The following AKAP6 variants were observed in gnomAD, a reference collection of about 807,000 sequenced individuals.
AKAP6 encodes A-kinase anchor protein 6.
In AKAP6, 58 loss-of-function variants were observed where a neutral mutation model predicts 188.5. That is an observed-to-expected ratio of 0.31 (90% CI 0.25 to 0.38). AKAP6 has a LOEUF of 0.38. AKAP6 is among the 10% of genes least tolerant of loss of function. AKAP6 has a pLI of 1.00. For synonymous variants in AKAP6, 989 were observed against 998.6 expected (o/e 0.99, Z 0.18); for missense variants, 2,710 against 2,740.0 (o/e 0.99, Z 0.24).
intron 11 of AKAP6, among the ~76,000 whole-genome samples, chr14:32,773,300 C>T (rs1170100870): frequency 2.6e-5 from 4 of 152,140 alleles, no homozygotes; most frequent in East Asian, 3.9e-4. Flanking sequence ...TATTTCTTTT[C>T]GGAGGATTTT....
intron 9 of AKAP6, 23 bp from the exon 10 acceptor site, chr14:32,732,429 ATC>A: frequency 6.2e-7 from 1 of 1,600,368 alleles, no homozygotes; most frequent in Non-Finnish European, 8.5e-7. Context: ...CCCTAATGAT[ATC>A]TCTTTTTCTC....
At chr14:32,679,572 A>G (rs923094198) in intron 8 of AKAP6, among the ~76,000 whole-genome samples, 6 of 152,156 alleles carry the variant, frequency 3.9e-5, no homozygotes, top group African/African-American at 1.4e-4. Flanking sequence ...CAATCCTCAT[A>G]TAAAGTTTTG....
At chr14:32,706,466 A>C (rs988604661) in intron 9 of AKAP6, among the ~76,000 whole-genome samples, 12 of 151,974 alleles carry the variant, frequency 7.9e-5, no homozygotes, top group Middle Eastern at 3.2e-3. Flanking sequence ...TTTTTGGGAG[A>C]TGCACTAAAG....
chr14:32,439,911 G>T (rs1404731430), intron 2 of AKAP6, among the ~76,000 whole-genome samples: 1 of 152,168 alleles, frequency 6.6e-6, no homozygotes, highest in Admixed American at 6.5e-5. Flanking sequence ...CCTGGTTTAA[G>T]ATTGAAGACA....
chr14:32,677,036 G>A (rs1022701686), intron 7 of AKAP6, among the ~76,000 whole-genome samples: 19 of 152,090 alleles, frequency 1.2e-4, no homozygotes, highest in Non-Finnish European at 2.5e-4. Context: ...ATGTTGGCCA[G>A]GCTGGTCTCA....
chr14:32,445,916 A>G (rs1157765984), intron 2 of AKAP6, among the ~76,000 whole-genome samples: 1 of 152,182 alleles, frequency 6.6e-6, no homozygotes, highest in Non-Finnish European at 1.5e-5. Context: ...TTCCTTAGGG[A>G]AAGCTAGCTC....
intron 11 of AKAP6, among the ~76,000 whole-genome samples, chr14:32,766,207 C>A (rs2032714668): frequency 6.6e-6 from 1 of 152,048 alleles, no homozygotes; most frequent in African/African-American, 2.4e-5. Context: ...TTTTAAATGC[C>A]AAATAATATT....
At position 32,822,159 on chromosome 14, in the gene AKAP6, A is replaced by G; in HGVS notation, c.4346A>G (p.His1449Arg). Residue 1449 changes from histidine to arginine, a missense_variant, in exon 13 of 14, where the codon CAT (histidine) becomes CGT (arginine). His to Arg is a conservative substitution (Grantham distance 29). Transcript: ENST00000280979. The stretch of plus-strand genomic sequence containing the variant: ...GGAGATTTAAACAGTATTACCAAAC[A>G]TACCCCTGACTGTTTGGGAGAAGAA... ...KVGDLNSITK[H>R]TPDCLGEELQ... The G allele has an allele frequency of 1.2e-6, 2 of 1,613,926 alleles. No homozygotes were observed.
At chr14:32,747,841 A>G (rs2031974760) in intron 11 of AKAP6, among the ~76,000 whole-genome samples, 1 of 152,246 alleles carries the variant, frequency 6.6e-6, no homozygotes, top group African/African-American at 2.4e-5. Flanking sequence ...CTAGAAGAAG[A>G]TGCTGAATGA....
intron 1 of AKAP6, among the ~76,000 whole-genome samples, chr14:32,400,737 A>C (rs1053294992): frequency 6.6e-6 from 1 of 152,104 alleles, no homozygotes; most frequent in Admixed American, 6.5e-5. Flanking sequence ...ATGGTTCACA[A>C]ACTTAAGTGC....
intron 1 of AKAP6, among the ~76,000 whole-genome samples, chr14:32,338,350 A>G (rs1308742678): frequency 1.3e-5 from 2 of 152,180 alleles, no homozygotes; most frequent in Admixed American, 1.3e-4. Context: ...CAAGCTTTCA[A>G]AAAAAGTCTA....
intron 9 of AKAP6, among the ~76,000 whole-genome samples, chr14:32,698,363 T>C (rs1230051520): frequency 6.6e-6 from 1 of 152,174 alleles, no homozygotes; most frequent in Admixed American, 6.5e-5. Context: ...CTGTTGATCA[T>C]AGAGACCCCT....
intron 2 of AKAP6, among the ~76,000 whole-genome samples, chr14:32,516,582 A>T (rs974907364): frequency 3.3e-5 from 5 of 152,186 alleles, no homozygotes; most frequent in African/African-American, 1.2e-4. Context: ...TTCTGAAACT[A>T]TCGTATATGT....
intron 7 of AKAP6, among the ~76,000 whole-genome samples, chr14:32,677,017 G>T (rs1015469304): frequency 2.0e-5 from 3 of 152,188 alleles, no homozygotes; most frequent in Admixed American, 6.5e-5. Flanking sequence ...GTAGAGACGG[G>T]GTTTCGCCAT....
intron 12 of AKAP6, among the ~76,000 whole-genome samples, chr14:32,800,693 T>A (rs200157631): frequency 1.1e-5 from 1 of 93,770 alleles, no homozygotes; most frequent in Non-Finnish European, 3.0e-5. Flanking sequence ...TCTCCTTACT[T>A]TTAACATAGC....
chr14:32,708,700 G>C (rs1236275370), intron 9 of AKAP6, among the ~76,000 whole-genome samples: 1 of 151,834 alleles, frequency 6.6e-6, no homozygotes, highest in Non-Finnish European at 1.5e-5. Context: ...AATGTTACAA[G>C]ATGCATCATT....
chr14:32,821,690 A>C lies in AKAP6; in HGVS notation c.3877A>C (p.Asn1293His). The C allele has an allele frequency of 6.2e-7, 1 of 1,613,802 alleles. No homozygotes were observed. Among genetic ancestry groups the C allele is most frequent in the Non-Finnish European group, 8.5e-7 (1 of 1,179,894 alleles). Reference sequence around the variant, plus strand: ...CATTTACCAGGTGTACAGCCTCCACAATGTTGAACTCTATGAGGACAACCA... The same window carrying C: ...CATTTACCAGGTGTACAGCCTCCACCATGTTGAACTCTATGAGGACAACCA... ...PHIYQVYSLH[N>H]VELYEDNHMP... The change falls in exon 13 of 14, where the codon AAT becomes CAT. Residue 1293 changes from asparagine to histidine, a missense_variant. Asn to His is a moderately conservative substitution (Grantham distance 68). This residue lies in a region of AKAP6 where 2,473 missense variants were observed against 2,426.1 expected (regional missense o/e 1.02). Transcript: ENST00000280979.
intron 2 of AKAP6, among the ~76,000 whole-genome samples, chr14:32,475,023 T>C (rs1424079937): frequency 6.6e-6 from 1 of 152,186 alleles, no homozygotes; most frequent in South Asian, 2.1e-4. Context: ...TGGAAATACA[T>C]ACGTAGAGCT....
chr14:32,450,270 A>G (rs891127182), intron 2 of AKAP6, among the ~76,000 whole-genome samples: 1 of 152,082 alleles, frequency 6.6e-6, no homozygotes, highest in Non-Finnish European at 1.5e-5. Context: ...CAATCCAAAT[A>G]CTGCTTGCTG....
Sources: allele counts gnomAD v4.1 joint callset (sites outside exome capture counted in the v4.1 genomes callset), GRCh38; gene constraint gnomAD v4.1.1; regional missense constraint gnomAD v4.1.1; transcripts MANE v1.5; gene names NCBI Gene and HGNC (gene_info 2026-07-23, HGNC 2026-07-21).